The following PCLO variants were observed in gnomAD, a reference collection of about 807,000 sequenced individuals.
PCLO encodes the protein protein piccolo.
PCLO carries 82 observed loss-of-function variants against 427.5 expected under a neutral mutation model. That is an observed-to-expected ratio of 0.19 (90% confidence interval 0.16 to 0.23). The LOEUF is 0.23. Ranked by LOEUF, PCLO falls within the 10% of genes least tolerant of loss-of-function variation. The pLI is 1.00. For synonymous variants in PCLO, 2,357 were observed against 2,155.4 expected (o/e 1.09, Z -2.59); for missense variants, 6,239 against 6,115.9 (o/e 1.02, Z -0.67).
At chr7:82,958,502 A>G (rs1038118575) in intron 4 of PCLO, among the ~76,000 whole-genome samples, 1 of 151,990 alleles carries the variant, frequency 6.6e-6, no homozygotes, top group Non-Finnish European at 1.5e-5. Context: ...TTTATTATGC[A>G]TGGTCAATGA....
chr7:82,817,199 T>C (rs1328758220), intron 20 of PCLO, among the ~76,000 whole-genome samples: 1 of 152,192 alleles, frequency 6.6e-6, no homozygotes, highest in Admixed American at 6.5e-5. Context: ...TATGCGCATG[T>C]CATTACAGTT....
chr7:82,978,849 CACACACAA>C (rs371491569), intron 3 of PCLO, among the ~76,000 whole-genome samples: 4 of 93,364 alleles, frequency 4.3e-5, no homozygotes, highest in East Asian at 4.0e-4. Context: ...CACACACACA[CACACACAA>C]ACACACACAC....
intron 3 of PCLO, among the ~76,000 whole-genome samples, chr7:83,086,702 TTTGA>T (rs1308566347): frequency 7.2e-5 from 11 of 152,148 alleles, no homozygotes; most frequent in African/African-American, 2.4e-4. Context: ...TTTCAAATCC[TTTGA>T]TTGAATAATT....
chr7:83,077,754 T>C (rs1207789082), intron 3 of PCLO, among the ~76,000 whole-genome samples: 1 of 152,046 alleles, frequency 6.6e-6, no homozygotes, highest in Non-Finnish European at 1.5e-5. Context: ...CCTGAATTAA[T>C]CATTTCCACA....
At position 82,965,855 on chromosome 7, in the gene PCLO, A is replaced by C; in HGVS notation, c.3933T>G (p.Asp1311Glu). The change falls in exon 4 of 25, where the codon GAT (aspartate) becomes GAG (glutamate). Residue 1311 changes from aspartate (D) to glutamate (E), a missense_variant. By Grantham distance (45) the Asp-to-Glu change is conservative (BLOSUM62 2). Around this residue, in one of 5 missense-constraint regions of PCLO, gnomAD observed 4,677 missense variants for 4,468.4 expected, o/e 1.05. Coordinates refer to ENST00000333891, the MANE Select transcript of PCLO (RefSeq NM_033026.6). ...GTPQSLPKED[D>E]KTTKTIKEQP... The stretch of plus-strand genomic sequence containing the variant: ...GTTCTTTTATTGTTTTGGTTGTCTT[A>C]TCATCTTCTTTAGGTAAACTCTGAG... 4 of 1,613,774 alleles carry C rather than the reference A, an allele frequency of 2.5e-6. No homozygotes were observed. Among genetic ancestry groups the C allele is most frequent in the Middle Eastern group, 1.7e-4 (1 of 6,060 alleles).
chr7:83,096,255 T>G (rs1790534652), intron 3 of PCLO, among the ~76,000 whole-genome samples: 1 of 133,630 alleles, frequency 7.5e-6, no homozygotes, highest in Admixed American at 8.1e-5. Flanking sequence ...CACAGAGAGA[T>G]AAGCCACAAG....
intron 3 of PCLO, among the ~76,000 whole-genome samples, chr7:83,126,124 G>A (rs569622698): frequency 1.3e-5 from 2 of 152,174 alleles, no homozygotes; most frequent in South Asian, 2.1e-4. Context: ...AGCCAGTCAC[G>A]GAAAGACAAA....
At chr7:82,772,835 GA>G (rs1429850493) in intron 22 of PCLO, among the ~76,000 whole-genome samples, 1 of 151,988 alleles carries the variant, frequency 6.6e-6, no homozygotes, top group African/African-American at 2.4e-5. Flanking sequence ...TTTTGTAAGG[GA>G]AAGCCTCTTA....
intron 3 of PCLO, among the ~76,000 whole-genome samples, chr7:82,995,258 G>T (rs1036998085): frequency 2.0e-5 from 3 of 151,988 alleles, no homozygotes; most frequent in African/African-American, 7.2e-5. Context: ...TCCAGTACTG[G>T]ATGCTGAGGG....
intron 4 of PCLO, among the ~76,000 whole-genome samples, chr7:82,962,965 G>A (rs1006935455): frequency 6.6e-6 from 1 of 151,960 alleles, no homozygotes; most frequent in Admixed American, 6.6e-5. Context: ...TGGAAAATTA[G>A]TTAAAAAGCT....
chr7:82,928,140 G>T (rs555048921), intron 6 of PCLO, among the ~76,000 whole-genome samples: 2 of 152,010 alleles, frequency 1.3e-5, no homozygotes. Flanking sequence ...ATTTAGAATC[G>T]CATTATTGAA....
At chr7:82,865,191 G>A (rs1427864074) in intron 10 of PCLO, among the ~76,000 whole-genome samples, 1 of 152,008 alleles carries the variant, frequency 6.6e-6, no homozygotes, top group Non-Finnish European at 1.5e-5. Context: ...ACTGCCACCT[G>A]TAGAACCACA....
intron 9 of PCLO, among the ~76,000 whole-genome samples, chr7:82,892,124 T>A (rs1793782430): frequency 6.6e-6 from 1 of 152,010 alleles, no homozygotes; most frequent in Non-Finnish European, 1.5e-5. Context: ...GCCAAGTCAA[T>A]CCTAAGCCAA....
At chr7:82,924,317 C>T (rs1347050544) in intron 6 of PCLO, among the ~76,000 whole-genome samples, 1 of 151,910 alleles carries the variant, frequency 6.6e-6, no homozygotes, top group Non-Finnish European at 1.5e-5. Flanking sequence ...ATTCTTAGGA[C>T]CCTAAAATTA....
At chr7:83,117,291 T>C (rs1185114316) in intron 3 of PCLO, among the ~76,000 whole-genome samples, 2 of 151,900 alleles carry the variant, frequency 1.3e-5, no homozygotes, top group Non-Finnish European at 2.9e-5. Context: ...AGAGTAAGAG[T>C]GGTTGCCAAA....
chr7:82,869,128 G>A (rs1372801661), intron 10 of PCLO, among the ~76,000 whole-genome samples: 5 of 152,040 alleles, frequency 3.3e-5, no homozygotes, highest in Non-Finnish European at 5.9e-5. Context: ...CCAATGATAT[G>A]TATATAAAAG....
chr7:82,951,594 C>T, intron 5 of PCLO, 104 bp from the exon 6 acceptor site: 1 of 880,308 alleles, frequency 1.1e-6, no homozygotes, highest in Non-Finnish European at 1.7e-6. Context: ...AGACTGCATG[C>T]AAATCCACAG....
In PCLO at chr7:82,857,086, T is replaced by A. The variant is rs139980417; in HGVS notation, c.13655-9839A>T. The stretch of plus-strand genomic sequence containing the variant: ...TGCCAGCACTGTGATCTTAGACTTA[T>A]CAGCCTGAAGAACTTTAAGAAATGA... On this transcript the variant is annotated intron_variant, in intron 10 of 24. Transcript: ENST00000333891. 3.3e-5 allele frequency among the ~76,000 whole-genome samples: 5 copies of A among 152,298 alleles called. No individual in the cohort carries two copies. The East Asian group carries it at 9.7e-4, about 29-fold the overall frequency.
chr7:82,763,496 T>C (rs1359735727), intron 22 of PCLO, among the ~76,000 whole-genome samples: 1 of 152,170 alleles, frequency 6.6e-6, no homozygotes, highest in East Asian at 1.9e-4. Flanking sequence ...GTGAGTAAAG[T>C]TGTAAAAATA....
Sources: allele counts gnomAD v4.1 joint callset (sites outside exome capture counted in the v4.1 genomes callset), GRCh38; gene constraint gnomAD v4.1.1; regional missense constraint gnomAD v4.1.1; transcripts MANE v1.5; gene names NCBI Gene and HGNC (gene_info 2026-07-23, HGNC 2026-07-21).